The following CCDC149 variants were observed in gnomAD, a reference collection of about 807,000 sequenced individuals.
The protein encoded by CCDC149 is coiled-coil domain containing 149.
A neutral mutation model predicts 59.9 loss-of-function variants in CCDC149; 45 were observed. The observed-to-expected ratio is 0.75, with a 90% CI of 0.59 to 0.96. The LOEUF (loss-of-function observed/expected upper bound fraction) is 0.96, where lower values mean the gene tolerates loss of function less well. Ranked by LOEUF, CCDC149 falls within the 40% of genes least tolerant of loss-of-function variation. The pLI is 0.00. For missense variants in CCDC149, 584 were observed against 664.7 expected, an observed-to-expected ratio of 0.88 and a Z score of 1.33; for synonymous variants, 245 against 260.6, an observed-to-expected ratio of 0.94 and a Z score of 0.58.
At chr4:24,869,048 A>G (rs1718866954) in intron 3 of CCDC149, among the ~76,000 whole-genome samples, 1 of 152,222 alleles carries the variant, frequency 6.6e-6, no homozygotes, top group Non-Finnish European at 1.5e-5. Context: ...GTGAGCACTC[A>G]ATGACACCGG....
Position 24,971,342 on chromosome 4 carries a change from C to T in CCDC149, c.-65+8727G>A, listed in dbSNP as rs753007534. On this transcript the variant is annotated intron_variant, in intron 1 of 12. Transcript: ENST00000389609. ...TGTGTCCTTGCCCGGGGGACGCCCT[C>T]GGCCTGGGAGGTGGAGTATGAGGGA... is the stretch of plus-strand genomic sequence containing the variant. 1.2e-4 allele frequency among the ~76,000 whole-genome samples: 18 copies of T among 152,172 alleles called. 1 individual carries two copies. Among genetic ancestry groups the T allele is most frequent in the Non-Finnish European group, 2.2e-4 (15 of 68,032 alleles).
Position 24,936,340 on chromosome 4 carries a change from CATT to C in CCDC149, c.-64-41225_-64-41223del, listed in dbSNP as rs530968759. ...TTTATAATGATTGAAATATATCAAT[CATT>C]ATATTATATATATATCATCAAATAT... On this transcript the variant is annotated intron_variant, in intron 1 of 12. Coordinates refer to the CCDC149 transcript ENST00000389609. Among the ~76,000 whole-genome samples, 522 of 151,878 alleles carry C rather than the reference CATT, an allele frequency of 3.4e-3. 3 individuals carry two copies. Among genetic ancestry groups the C allele is most frequent in the Middle Eastern group, 6.8e-3 (2 of 294 alleles).
At chr4:24,844,230 T>C (rs981024958) in intron 4 of CCDC149, among the ~76,000 whole-genome samples, 5 of 152,166 alleles carry the variant, frequency 3.3e-5, no homozygotes, top group African/African-American at 1.2e-4. Context: ...GCTTGTCATA[T>C]GCACTGAAAC....
chr4:24,906,168 C>T (rs940702082), intron 1 of CCDC149, among the ~76,000 whole-genome samples: 5 of 152,142 alleles, frequency 3.3e-5, no homozygotes, highest in African/African-American at 1.2e-4. Context: ...ATCTTTCTTA[C>T]AGTGGCTTAG....
chr4:24,894,396 A>C (rs941598727), intron 1 of CCDC149, among the ~76,000 whole-genome samples: 2 of 152,146 alleles, frequency 1.3e-5, no homozygotes, highest in African/African-American at 4.8e-5. Context: ...CAGGTTTCCA[A>C]GTGTGCACTG....
chr4:24,902,747 G>A (rs1179220025), intron 1 of CCDC149, among the ~76,000 whole-genome samples: 1 of 152,182 alleles, frequency 6.6e-6, no homozygotes. Flanking sequence ...TTTAAGCCAG[G>A]AGTGGTGGCT....
At chr4:24,879,732 A>C (rs1437934147) in intron 1 of CCDC149, among the ~76,000 whole-genome samples, 1 of 152,014 alleles carries the variant, frequency 6.6e-6, no homozygotes, top group Non-Finnish European at 1.5e-5. Context: ...AAACACTGCT[A>C]TCACCTGGGA....
Position 24,891,142 on chromosome 4 carries a change from A to T in CCDC149, c.64-14445T>A, listed in dbSNP as rs117444339. 2.6e-4 allele frequency among the ~76,000 whole-genome samples: 39 copies of T among 152,370 alleles called. 1 individual carries two copies. In the East Asian group the frequency reaches 7.3e-3, roughly 29 times the overall value. ...TATTTTCTTTCCATAAACTCCAGAT[A>T]CTACTGATTAGTGAGAAACTATCCT... On this transcript the variant is annotated intron_variant, in intron 1 of 12. Transcript: ENST00000635206.
chr4:24,842,184 C>T (rs2109154406), intron 4 of CCDC149, among the ~76,000 whole-genome samples: 1 of 152,266 alleles, frequency 6.6e-6, no homozygotes, highest in East Asian at 1.9e-4. Flanking sequence ...AAAGATGGGA[C>T]TTCTCTTTGA....
At chr4:24,842,800 C>T (rs1431603105) in intron 4 of CCDC149, among the ~76,000 whole-genome samples, 1 of 152,212 alleles carries the variant, frequency 6.6e-6, no homozygotes, top group Non-Finnish European at 1.5e-5. Context: ...CTTCCTTGAT[C>T]TCTTCTTAGC....
chr4:24,942,801 C>T (rs1202924373), intron 1 of CCDC149, among the ~76,000 whole-genome samples: 2 of 152,020 alleles, frequency 1.3e-5, no homozygotes, highest in African/African-American at 4.8e-5. Context: ...TTCACAATTG[C>T]TTCAAAGAGA....
chr4:24,918,451 G>T (rs1048317147), intron 1 of CCDC149, among the ~76,000 whole-genome samples: 1 of 152,030 alleles, frequency 6.6e-6, no homozygotes, highest in Non-Finnish European at 1.5e-5. Flanking sequence ...ATCTAATGAC[G>T]TGCCCCTCTC....
intron 1 of CCDC149, among the ~76,000 whole-genome samples, chr4:24,880,939 C>T (rs747031612): frequency 1.3e-5 from 2 of 152,228 alleles, no homozygotes; most frequent in African/African-American, 2.4e-5. Flanking sequence ...ACGATTTCAA[C>T]ACCACTGTCG....
intron 1 of CCDC149, among the ~76,000 whole-genome samples, chr4:24,940,997 A>G (rs1434604596): frequency 6.6e-6 from 1 of 152,228 alleles, no homozygotes; most frequent in African/African-American, 2.4e-5. Flanking sequence ...TGAGACAGAA[A>G]GTTAAGACGG....
At chr4:24,946,967 C>A in intron 1 of CCDC149, among the ~76,000 whole-genome samples, 1 of 152,208 alleles carries the variant, frequency 6.6e-6, no homozygotes, top group Non-Finnish European at 1.5e-5. Flanking sequence ...TCCACCCAAG[C>A]CACTTTACAA....
At chr4:24,859,680 T>C (rs1718254645) in intron 3 of CCDC149, among the ~76,000 whole-genome samples, 1 of 152,120 alleles carries the variant, frequency 6.6e-6, no homozygotes, top group Non-Finnish European at 1.5e-5. Flanking sequence ...GATGATATGA[T>C]CATATACCTA....
intron 1 of CCDC149, among the ~76,000 whole-genome samples, chr4:24,976,062 AAG>A (rs1364572274): frequency 6.6e-6 from 1 of 151,850 alleles, no homozygotes; most frequent in Admixed American, 6.6e-5. Flanking sequence ...GGAAGTGGAA[AAG>A]AGAGGAAAGA....
chr4:24,886,726 T>A (rs1218458122), intron 1 of CCDC149, among the ~76,000 whole-genome samples: 1 of 152,136 alleles, frequency 6.6e-6, no homozygotes, highest in Non-Finnish European at 1.5e-5. Flanking sequence ...TCTAAGTCTC[T>A]ATTAATCATA....
chr4:24,930,713 A>G (rs1228988836), intron 1 of CCDC149, among the ~76,000 whole-genome samples: 1 of 152,196 alleles, frequency 6.6e-6, no homozygotes, highest in African/African-American at 2.4e-5. Flanking sequence ...AGAAGTTGTC[A>G]TACTGAGATA....
Sources: allele counts gnomAD v4.1 joint callset (sites outside exome capture counted in the v4.1 genomes callset), GRCh38; gene constraint gnomAD v4.1.1; transcripts MANE v1.5; gene names NCBI Gene and HGNC (gene_info 2026-07-23, HGNC 2026-07-21).